Variants in GPRC5B observed in about 807,000 individuals in gnomAD.
The protein encoded by GPRC5B is G protein-coupled receptor family C group 5 member B.
Under a neutral mutation model 30.1 loss-of-function variants are expected in GPRC5B, and 16 were observed. The observed-to-expected ratio is 0.53, with a 90% CI of 0.36 to 0.81. The LOEUF (loss-of-function observed/expected upper bound fraction) is 0.81. Ranked by LOEUF, GPRC5B falls within the 30% of genes least tolerant of loss-of-function variation. The pLI, the probability that GPRC5B is intolerant of heterozygous loss-of-function variation, is 0.01. For synonymous variants in GPRC5B, 241 were observed against 239.5 expected, an observed-to-expected ratio of 1.01 and a Z score of -0.06; for missense variants, 428 against 544.7, an observed-to-expected ratio of 0.79 and a Z score of 2.13.
At chr16:19,867,380 T>A (rs2056675745) in intron 2 of GPRC5B, among the ~76,000 whole-genome samples, 1 of 152,212 alleles carries the variant, frequency 6.6e-6, no homozygotes, top group African/African-American at 2.4e-5. Context: ...GTTTCCTATC[T>A]GCAAATCAGA....
intron 3 of GPRC5B, among the ~76,000 whole-genome samples, chr16:19,861,528 T>C (rs938119709): frequency 4.6e-5 from 7 of 152,130 alleles, no homozygotes; most frequent in African/African-American, 1.7e-4. Flanking sequence ...TCTGGGCTTT[T>C]TCCAAAAGTC....
rs2056838254 is a variant in GPRC5B at position 19,884,817 on chromosome 16, A to C, written c.-92T>G. 1.0e-6 allele frequency: 1 copy of C among 983,238 alleles called. No individual in the cohort carries two copies. Among genetic ancestry groups the C allele is most frequent in the South Asian group, 4.7e-5 (1 of 21,266 alleles). 60.9% of individuals were successfully genotyped at this position (983,238 alleles called of 1,614,324 possible). ...CGCGGCCGCGGCCCCCGCTCCACGC[A>C]CGCCCGCCTGCGGGTCCAGCTTCAC... On this transcript the variant is annotated 5_prime_UTR_variant, in exon 1 of 4. Coordinates refer to ENST00000300571, the MANE Select transcript of GPRC5B (RefSeq NM_016235.3).
rs994039677 is a variant in GPRC5B at position 19,872,006 on chromosome 16, G to A, written c.840C>T (p.Gly280=). 6.2e-7 allele frequency: 1 copy of A among 1,614,104 alleles called. No homozygotes were observed. The change falls in exon 2 of 4, where the codon GGC becomes GGT. Residue 280 remains glycine (G), a synonymous_variant. Transcript: ENST00000300571. This position sits in a 1 kb window ranked among gnomAD's most constrained non-coding sequence, Gnocchi z 5.0. The part of the protein sequence containing the change: ...PTLAITLAAS[G]WVFVIFHAIP... The stretch of plus-strand genomic sequence containing the variant: ...TGGCGTGGAAGATGACGAAGACCCA[G>A]CCGCTGGCCGCCAGCGTGATGGCCA...
intron 1 of GPRC5B, among the ~76,000 whole-genome samples, chr16:19,878,102 G>A (rs1232202272): frequency 2.6e-5 from 4 of 151,888 alleles, no homozygotes; most frequent in Non-Finnish European, 5.9e-5. Context: ...GGGGGACTGA[G>A]GCAGGAGAAT....
rs574633133 is a variant in GPRC5B, at chr16:19,858,444, A to G, written c.*2056T>C. 1 of 660,826 alleles carries G rather than the reference A, an allele frequency of 1.5e-6. No homozygotes were observed. The highest frequency in any genetic ancestry group is 1.8e-5 in the African/African-American group (1 of 55,734). 40.9% of individuals were successfully genotyped at this position (660,826 alleles called of 1,614,324 possible). A position where few individuals can be genotyped will look rare whatever the true frequency, so the allele number is the denominator to read the frequency against. ...TGCTGTGCTCACCTTATATGCTTGG[A>G]CAATAAAGAACTTAGAAAACGAACG... is the stretch of plus-strand genomic sequence containing the variant. On this transcript the variant is annotated 3_prime_UTR_variant, in exon 4 of 4. Transcript: ENST00000300571.
At chr16:19,875,063 C>G (rs748600559) in intron 1 of GPRC5B, among the ~76,000 whole-genome samples, 1 of 152,138 alleles carries the variant, frequency 6.6e-6, no homozygotes, top group Non-Finnish European at 1.5e-5. Flanking sequence ...TAAGTAAATG[C>G]GGTATCGACC....
intron 2 of GPRC5B, among the ~76,000 whole-genome samples, chr16:19,868,114 C>T (rs528931182): frequency 1.5e-4 from 22 of 151,630 alleles, no homozygotes; most frequent in African/African-American, 4.6e-4. Flanking sequence ...GTGGCTCATG[C>T]CTGTAATCCC....
rs192397614 is a variant in GPRC5B, at chr16:19,873,229, C to A, written c.-1-383G>T. ...CTTGTAATCCCAGCAGTTTGGGAGGCAGAGGCGGGCGGATCACGAGGTCAG... is the reference window on the plus strand; with the variant it reads ...CTTGTAATCCCAGCAGTTTGGGAGGAAGAGGCGGGCGGATCACGAGGTCAG... On this transcript the variant is annotated intron_variant, in intron 1 of 3. Transcript: ENST00000300571. 4.5e-3 allele frequency among the ~76,000 whole-genome samples: 683 copies of A among 152,168 alleles called. 4 individuals carry two copies. The highest frequency in any genetic ancestry group is 0.016 in the African/African-American group (659 of 41,518).
intron 2 of GPRC5B, among the ~76,000 whole-genome samples, chr16:19,865,778 C>T (rs1165688087): frequency 6.6e-6 from 1 of 152,190 alleles, no homozygotes; most frequent in African/African-American, 2.4e-5. Context: ...CTGCAGTTAC[C>T]TCTGTAACAT....
chr16:19,861,087 TAAAAA>T (rs3067833), intron 3 of GPRC5B, among the ~76,000 whole-genome samples: 1,127 of 93,400 alleles, frequency 0.012, 36 homozygotes, highest in African/African-American at 0.052. Context: ...CTGATTTACA[TAAAAA>T]AAAAAAAAAA....
chr16:19,864,414 C>G (rs974734279), intron 2 of GPRC5B, among the ~76,000 whole-genome samples: 1 of 152,260 alleles, frequency 6.6e-6, no homozygotes, highest in Admixed American at 6.5e-5. Flanking sequence ...TGCTACATCT[C>G]TCAGTGTATT....
chr16:19,872,771 C>A lies in GPRC5B; in HGVS notation c.75G>T (p.Ser25=), dbSNP rs780792806. The change falls in exon 2 of 4, where the codon TCG becomes TCT. Residue 25 remains serine, a synonymous_variant. Coordinates refer to ENST00000300571, the MANE Select transcript of GPRC5B (RefSeq NM_016235.3). The surrounding 1 kb of genome is among the most constrained non-coding windows in gnomAD (Gnocchi z 5.0). ...LTFLLLFVIT[S]VASENASTSR... ...ATGTGCTGGCGTTTTCAGAGGCCAC[C>A]GAGGTGATCACGAAGAGCAGGAGGA... 3 of 1,613,592 alleles carry A rather than the reference C, an allele frequency of 1.9e-6. No individual in the cohort carries two copies. In the Admixed American group the frequency reaches 5.0e-5, roughly 27 times the overall value.
In GPRC5B at chr16:19,872,958, G is replaced by A. The variant is rs1597630267; in HGVS notation, c.-1-112C>T. On this transcript the variant is annotated intron_variant, in intron 1 of 3. Coordinates refer to ENST00000300571, the MANE Select transcript of GPRC5B (RefSeq NM_016235.3). This position sits in a 1 kb window ranked among gnomAD's most constrained non-coding sequence, Gnocchi z 5.0. ...CTCGCCTCATTTCAAACCTGCAAGC[G>A]CACACGGCACCTTTGCACACATAGG... 1.5e-5 allele frequency: 11 copies of A among 755,636 alleles called. No individual in the cohort carries two copies. Among genetic ancestry groups the A allele is most frequent in the South Asian group, 3.4e-5 (2 of 59,628 alleles). The allele number at this position is 755,636 out of a possible 1,614,324, so 46.8% of individuals were successfully genotyped here.
At position 19,884,750 on chromosome 16, in the gene GPRC5B, C is replaced by A. The variant is rs2056837745; in HGVS notation, c.-25G>T. 8.1e-6 allele frequency: 8 copies of A among 984,960 alleles called. No individual in the cohort carries two copies. Among genetic ancestry groups the A allele is most frequent in the Non-Finnish European group, 6.0e-6 (5 of 829,790 alleles). 61.0% of individuals were successfully genotyped at this position (984,960 alleles called of 1,614,324 possible). A position where few individuals can be genotyped will look rare whatever the true frequency, so the allele number is the denominator to read the frequency against. ...ACCGACCCCCGCGGCCCCGCAGCGC[C>A]GACGCTCCAGCTGGCCTTCGGCCCG... On this transcript the variant is annotated 5_prime_UTR_variant, in exon 1 of 4. Transcript: ENST00000300571.
chr16:19,856,801 CTCAG>C lies in GPRC5B; in HGVS notation c.*3695_*3698del. The stretch of plus-strand genomic sequence containing the variant: ...TTCATCCAGATTACTTCTTCAGTGC[CTCAG>C]GAGTATTCTTCTACACCAGCTGCTG... On this transcript the variant is annotated 3_prime_UTR_variant, in exon 4 of 4. Transcript: ENST00000300571. The C allele has an allele frequency of 4.3e-6, 2 of 460,772 alleles. No homozygotes were observed. The highest frequency in any genetic ancestry group is 3.9e-5 in the Admixed American group (1 of 25,574). The allele number at this position is 460,772 out of a possible 1,614,324, so 28.5% of individuals were successfully genotyped here. A position where few individuals can be genotyped will look rare whatever the true frequency, so the allele number is the denominator to read the frequency against.
chr16:19,884,604 G>T, intron 1 of GPRC5B, 123 bp downstream of exon 1: 1 of 696,606 alleles, frequency 1.4e-6, no homozygotes, highest in Non-Finnish European at 1.8e-6. Flanking sequence ...TCCCTGGCTT[G>T]GGTTGGGGGG....
chr16:19,880,676 C>T (rs2056800472), intron 1 of GPRC5B, among the ~76,000 whole-genome samples: 3 of 152,248 alleles, frequency 2.0e-5, no homozygotes, highest in Admixed American at 6.5e-5. Flanking sequence ...AGAACCTAGG[C>T]CAGAGGACCT....
chr16:19,862,059 G>A (rs2056629700), intron 2 of GPRC5B, 86 bp from the exon 3 acceptor site: 12 of 1,301,102 alleles, frequency 9.2e-6, no homozygotes, highest in African/African-American at 7.2e-5. Flanking sequence ...AGCGCGCTCC[G>A]GGCACCCCCA....
chr16:19,878,285 C>T (rs1163444190), intron 1 of GPRC5B, among the ~76,000 whole-genome samples: 1 of 151,684 alleles, frequency 6.6e-6, no homozygotes, highest in Non-Finnish European at 1.5e-5. Context: ...ATCTTTGTAG[C>T]GTGTACCTCA....
Sources: gnomAD v4.1 joint callset for allele counts (sites outside exome capture counted in the v4.1 genomes callset) on GRCh38, gnomAD v4.1.1 for gene constraint, Gnocchi (gnomAD v3.1) non-coding constraint, MANE v1.5 for transcripts, NCBI Gene and HGNC (gene_info 2026-07-23, HGNC 2026-07-21) for gene names.